The following WDR70 variants were observed in gnomAD, a reference collection of about 807,000 sequenced individuals.
WDR70 encodes the protein WD repeat domain 70, also known as WD repeat-containing protein 70.
A neutral mutation model predicts 88.6 loss-of-function variants in WDR70; 53 were observed. The observed-to-expected ratio is 0.60, with a 90% CI of 0.48 to 0.75. The LOEUF (loss-of-function observed/expected upper bound fraction) is 0.75, where lower values mean the gene tolerates loss of function less well. WDR70 is among the 30% of genes least tolerant of loss of function. The pLI, the probability that WDR70 is intolerant of heterozygous loss-of-function variation, is 0.00. For missense variants in WDR70, 610 were observed against 823.2 expected, an observed-to-expected ratio of 0.74 and a Z score of 3.17; for synonymous variants, 280 against 270.0, an observed-to-expected ratio of 1.04 and a Z score of -0.36.
chr5:37,515,368 A>G (rs1163273105), intron 8 of WDR70, among the ~76,000 whole-genome samples: 6 of 152,358 alleles, frequency 3.9e-5, no homozygotes, highest in African/African-American at 1.2e-4. Flanking sequence ...GTTGTGTTCG[A>G]GATGCCTATG....
chr5:37,452,632 A>G (rs1738709774), intron 7 of WDR70, among the ~76,000 whole-genome samples: 2 of 152,224 alleles, frequency 1.3e-5, no homozygotes, highest in African/African-American at 4.8e-5. Context: ...ACATGCCTAT[A>G]ACTCAGCTAA....
At position 37,400,876 on chromosome 5, in the gene WDR70, T is replaced by G. The variant is rs142398626; in HGVS notation, c.492+4306T>G. 4.3e-3 allele frequency among the ~76,000 whole-genome samples: 660 copies of G among 152,340 alleles called. 4 individuals are homozygous for G. The highest frequency in any genetic ancestry group is 6.8e-3 in the Non-Finnish European group (461 of 68,032). On this transcript the variant is annotated intron_variant, in intron 5 of 17. Coordinates refer to ENST00000265107, the MANE Select transcript of WDR70 (RefSeq NM_018034.4). ...CTATGGTCATGAAATTGTACCTGAT[T>G]AGTGCATGGCTGAGTTTTCTTACTA... is the stretch of plus-strand genomic sequence containing the variant.
rs998225214 is a variant in WDR70 at position 37,697,666 on chromosome 5, G to A, written c.1104G>A (p.Lys368=). The A allele has an allele frequency of 6.2e-7, 1 of 1,613,546 alleles. No individual in the cohort carries two copies. The highest frequency in any genetic ancestry group is 1.1e-5 in the South Asian group (1 of 91,056). The change falls in exon 11 of 18, where the codon AAG becomes AAA. Residue 368 remains lysine, a synonymous_variant. Transcript: ENST00000265107. ...GTCTTTGTGAATAGGTTCATCCTAA[G>A]TTCCACTATAAACAGGCTCATGACT... is the stretch of plus-strand genomic sequence containing the variant. ...IWDRNLTVHP[K]FHYKQAHDSG... is the part of the protein sequence containing the mutation.
intron 3 of WDR70, among the ~76,000 whole-genome samples, chr5:37,385,926 C>T (rs1748599504): frequency 1.3e-5 from 2 of 152,026 alleles, no homozygotes. Flanking sequence ...GCCTCAGCCT[C>T]CTGAGTAGCT....
At chr5:37,635,076 C>T (rs190146006) in intron 10 of WDR70, among the ~76,000 whole-genome samples, 1 of 152,196 alleles carries the variant, frequency 6.6e-6, no homozygotes, top group Admixed American at 6.5e-5. Context: ...TTTTCCTCTA[C>T]AGTTCCCTTG....
At chr5:37,663,724 A>G (rs1745762958) in intron 10 of WDR70, among the ~76,000 whole-genome samples, 1 of 152,110 alleles carries the variant, frequency 6.6e-6, no homozygotes, top group South Asian at 2.1e-4. Context: ...CTCTGTGCGC[A>G]TACTGCTGTG....
intron 12 of WDR70, among the ~76,000 whole-genome samples, chr5:37,702,202 AAAACG>A (rs923317705): frequency 2.0e-4 from 31 of 152,360 alleles, no homozygotes; most frequent in African/African-American, 7.5e-4. Context: ...ATTTTATGTT[AAAACG>A]AACAAACATG....
intron 9 of WDR70, among the ~76,000 whole-genome samples, chr5:37,521,783 G>A (rs1487517098): frequency 6.6e-6 from 1 of 151,776 alleles, no homozygotes; most frequent in Non-Finnish European, 1.5e-5. Context: ...GGGCATTTGG[G>A]CTGGTTCCAT....
At chr5:37,437,781 C>G in intron 5 of WDR70, 141 bp from the exon 6 acceptor site, 1 of 706,592 alleles carries the variant, frequency 1.4e-6, no homozygotes, top group Non-Finnish European at 2.2e-6. Context: ...TACTCTCACA[C>G]TTTTTTGCTG....
chr5:37,564,310 G>T (rs1309739810), intron 9 of WDR70, among the ~76,000 whole-genome samples: 6 of 152,238 alleles, frequency 3.9e-5, no homozygotes, highest in East Asian at 3.9e-4. Flanking sequence ...GATCACTCGT[G>T]GTTAGGAGCT....
chr5:37,587,428 C>T (rs551677966), intron 9 of WDR70, among the ~76,000 whole-genome samples: 4 of 152,052 alleles, frequency 2.6e-5, no homozygotes, highest in South Asian at 2.1e-4. Context: ...CTCCCCACCC[C>T]GACACCCGTT....
At chr5:37,559,241 T>C (rs1008178176) in intron 9 of WDR70, among the ~76,000 whole-genome samples, 10 of 152,324 alleles carry the variant, frequency 6.6e-5, no homozygotes, top group African/African-American at 1.9e-4. Flanking sequence ...CAATTCTGTG[T>C]ATTCTTATGC....
rs528238627 is a variant in WDR70, at chr5:37,735,798, A to G, written c.1877+8753A>G. On this transcript the variant is annotated intron_variant, in intron 17 of 17. Transcript: ENST00000265107. ...TGGTTTTTTTTCTTCACTGCAATTG[A>G]CTTCTGTCAGTGATGAAATGAAGAT... Among the ~76,000 whole-genome samples the G allele has an allele frequency of 2.6e-5, 4 of 152,212 alleles. No homozygotes were observed. The East Asian group carries it at 7.7e-4, about 29-fold the overall frequency.
chr5:37,628,641 T>C, intron 10 of WDR70, among the ~76,000 whole-genome samples: 1 of 152,198 alleles, frequency 6.6e-6, no homozygotes, highest in Non-Finnish European at 1.5e-5. Flanking sequence ...GTTTTTTCAT[T>C]CATTCAAATA....
chr5:37,752,532 G>T lies in WDR70; in HGVS notation c.1924G>T (p.Glu642Ter), dbSNP rs749940806. ...TGCCCAAGTTGAATCTGATGATGAG[G>T]AAGCAAAGAATGAGCCAGAATGGAA... ...MFAQVESDDE[E>*]AKNEPEWKKR... The change falls in exon 18 of 18, where the codon GAA (glutamate) becomes TAA (stop). Residue 642 changes from glutamate to a stop codon, truncating the protein, a stop_gained. Coordinates refer to ENST00000265107, the MANE Select transcript of WDR70 (RefSeq NM_018034.4). LOFTEE classifies it high-confidence loss of function. 1 of 1,612,820 alleles carries T rather than the reference G, an allele frequency of 6.2e-7. No homozygotes were observed. Among genetic ancestry groups the T allele is most frequent in the East Asian group, 2.2e-5 (1 of 44,820 alleles).
chr5:37,715,926 G>GCACACACA (rs962269834), intron 13 of WDR70, among the ~76,000 whole-genome samples: 4 of 150,840 alleles, frequency 2.7e-5, no homozygotes, highest in African/African-American at 9.7e-5. Context: ...ACACACACAC[G>GCACACACA]CACACACACA....
intron 9 of WDR70, among the ~76,000 whole-genome samples, chr5:37,543,514 AAG>A (rs138919832): frequency 1.2e-4 from 18 of 151,300 alleles, no homozygotes; most frequent in East Asian, 1.9e-4. Flanking sequence ...TATGGAGAGA[AAG>A]AGAGAGAGAG....
intron 9 of WDR70, among the ~76,000 whole-genome samples, chr5:37,521,740 A>ACACACACCCC (rs57080738): frequency 5.3e-5 from 7 of 131,160 alleles, no homozygotes; most frequent in African/African-American, 2.0e-4. Flanking sequence ...ACACACACAC[A>ACACACACCCC]CCCACATGTT....
At chr5:37,408,859 A>G (rs1020152691) in intron 5 of WDR70, among the ~76,000 whole-genome samples, 2 of 152,284 alleles carry the variant, frequency 1.3e-5, no homozygotes, top group East Asian at 3.9e-4. Flanking sequence ...CCAAAGGAAT[A>G]AAAAGTGTAA....
Sources: gnomAD v4.1 joint callset for allele counts (sites outside exome capture counted in the v4.1 genomes callset) on GRCh38, gnomAD v4.1.1 for gene constraint, MANE v1.5 for transcripts, NCBI Gene and HGNC (gene_info 2026-07-23, HGNC 2026-07-21) for gene names.